Variants in CCDC7 observed in about 807,000 individuals in gnomAD.
CCDC7 encodes the protein coiled-coil domain-containing protein 7.
CCDC7 carries 183 observed loss-of-function variants against 196.9 expected under a neutral mutation model. The ratio of observed to expected loss-of-function variants is 0.93; its 90% CI spans 0.82 to 1.05. The LOEUF (loss-of-function observed/expected upper bound fraction) is 1.05, where lower values mean the gene tolerates loss of function less well. Among genes scored for constraint, CCDC7 ranks in the 50% least tolerant of loss-of-function variants. The pLI is 0.00. For missense variants in CCDC7, 1,540 were observed against 1,482.2 expected, an observed-to-expected ratio of 1.04 and a Z score of -0.64; for synonymous variants, 525 against 484.6, an observed-to-expected ratio of 1.08 and a Z score of -1.10.
intron 33 of CCDC7, among the ~76,000 whole-genome samples, chr10:32,835,774 A>G (rs1441471955): frequency 1.3e-5 from 2 of 152,050 alleles, no homozygotes; most frequent in African/African-American, 2.4e-5. Context: ...CTGTACAACA[A>G]ACCCCCATGA....
intron 9 of CCDC7, among the ~76,000 whole-genome samples, chr10:32,502,813 G>C (rs1441711115): frequency 6.6e-6 from 1 of 152,102 alleles, no homozygotes; most frequent in Non-Finnish European, 1.5e-5. Flanking sequence ...TTCTTTGTGT[G>C]TTCTTCAATT....
intron 28 of CCDC7, among the ~76,000 whole-genome samples, chr10:32,744,034 T>C (rs942625595): frequency 2.0e-5 from 3 of 151,130 alleles, no homozygotes; most frequent in African/African-American, 7.3e-5. Context: ...ATATACCTAA[T>C]GTAAATGACA....
intron 13 of CCDC7, among the ~76,000 whole-genome samples, chr10:32,558,276 T>G (rs1454042442): frequency 1.3e-5 from 2 of 152,140 alleles, no homozygotes; most frequent in Non-Finnish European, 2.9e-5. Flanking sequence ...ATTATTATTA[T>G]TTTTTTCTTT....
intron 25 of CCDC7, among the ~76,000 whole-genome samples, chr10:32,722,177 T>C (rs1352344668): frequency 6.6e-6 from 1 of 152,150 alleles, no homozygotes; most frequent in African/African-American, 2.4e-5. Context: ...GGTAAATTCA[T>C]GGTCCCCATA....
intron 28 of CCDC7, among the ~76,000 whole-genome samples, chr10:32,748,701 T>C (rs1485450411): frequency 6.6e-6 from 1 of 152,178 alleles, no homozygotes; most frequent in East Asian, 1.9e-4. Context: ...CTCAGTTTTT[T>C]CCCTTCTTAT....
chr10:32,843,667 A>G (rs1311644376), intron 33 of CCDC7, among the ~76,000 whole-genome samples: 1 of 151,984 alleles, frequency 6.6e-6, no homozygotes, highest in Non-Finnish European at 1.5e-5. Flanking sequence ...GCTTAACCTT[A>G]TCTCCCCTAA....
At chr10:32,543,411 C>CT in intron 12 of CCDC7, 26 bp downstream of exon 13, 4 of 1,285,314 alleles carry the variant, frequency 3.1e-6, no homozygotes, top group Admixed American at 3.4e-5. Context: ...ACATGTTAAT[C>CT]TTTTTTTCCT....
intron 20 of CCDC7, among the ~76,000 whole-genome samples, chr10:32,656,826 C>T (rs2069997279): frequency 1.3e-5 from 2 of 152,180 alleles, no homozygotes; most frequent in Admixed American, 1.3e-4. Flanking sequence ...AGTCTAAGTA[C>T]TTGTGAGACA....
chr10:32,599,349 A>G (rs936091322), intron 18 of CCDC7, among the ~76,000 whole-genome samples: 2 of 152,146 alleles, frequency 1.3e-5, no homozygotes, highest in African/African-American at 4.8e-5. Context: ...TCATGTATGT[A>G]TGTATGTGTT....
chr10:32,578,143 A>G (rs1298694612), intron 16 of CCDC7, among the ~76,000 whole-genome samples: 1 of 152,116 alleles, frequency 6.6e-6, no homozygotes, highest in African/African-American at 2.4e-5. Context: ...ATGGGCTTCT[A>G]TTTTAAATTA....
rs137993603 is a variant in CCDC7, at chr10:32,542,502, G to A, written c.994-798G>A. 8.7e-3 allele frequency among the ~76,000 whole-genome samples: 1,321 copies of A among 151,862 alleles called. 27 individuals are homozygous for A. Among genetic ancestry groups the A allele is most frequent in the African/African-American group, 0.029 (1,213 of 41,404 alleles). ...ACAAAAATTAGCCGGGCGTGGTGGCGTGCCCCTGTAGTCCCAGCTACTGAG... is the reference window on the plus strand; with the variant it reads ...ACAAAAATTAGCCGGGCGTGGTGGCATGCCCCTGTAGTCCCAGCTACTGAG... On this transcript the variant is annotated intron_variant, in intron 11 of 41. Coordinates refer to ENST00000639629, the Ensembl canonical transcript of CCDC7.
chr10:32,610,813 A>G lies in CCDC7; in HGVS notation c.1802-23441A>G, dbSNP rs186024212. ...TATATGTGCCACATTTTCTTTATCCAGTCTATCATTGATGGGCATTTTGGT... is the reference window on the plus strand; with the variant it reads ...TATATGTGCCACATTTTCTTTATCCGGTCTATCATTGATGGGCATTTTGGT... On this transcript the variant is annotated intron_variant, in intron 18 of 41. Coordinates refer to ENST00000639629, the Ensembl canonical transcript of CCDC7. 2.4e-3 allele frequency among the ~76,000 whole-genome samples: 360 copies of G among 152,282 alleles called. 2 individuals are homozygous for G. Among genetic ancestry groups the G allele is most frequent in the African/African-American group, 8.2e-3 (342 of 41,548 alleles).
intron 37 of CCDC7, among the ~76,000 whole-genome samples, chr10:32,847,225 C>G (rs1485891024): frequency 6.6e-6 from 1 of 152,072 alleles, no homozygotes; most frequent in Non-Finnish European, 1.5e-5. Flanking sequence ...AAGGAGAGAA[C>G]AATGACAAGC....
intron 20 of CCDC7, among the ~76,000 whole-genome samples, chr10:32,640,837 C>A (rs1393326266): frequency 1.3e-5 from 2 of 150,016 alleles, no homozygotes; most frequent in Admixed American, 1.3e-4. Flanking sequence ...AATATTGGCC[C>A]CCAGTCTCTT....
chr10:32,592,343 C>G (rs1239097612), intron 18 of CCDC7, among the ~76,000 whole-genome samples: 1 of 151,898 alleles, frequency 6.6e-6, no homozygotes, highest in Non-Finnish European at 1.5e-5. Context: ...TCATTTATCT[C>G]TGATCTTACC....
chr10:32,688,096 C>T (rs998331434), intron 22 of CCDC7, among the ~76,000 whole-genome samples: 2 of 152,098 alleles, frequency 1.3e-5, no homozygotes, highest in South Asian at 2.1e-4. Context: ...CACCCTTCCT[C>T]ATCTTCCTTG....
intron 17 of CCDC7, 43 bp from the exon 19 acceptor site, chr10:32,584,189 T>G: frequency 5.7e-6 from 6 of 1,049,280 alleles, no homozygotes; most frequent in Non-Finnish European, 8.2e-6. Flanking sequence ...TATATATATA[T>G]GTATATAATT....
chr10:32,684,559 T>C (rs928733978), intron 21 of CCDC7, among the ~76,000 whole-genome samples: 3 of 152,204 alleles, frequency 2.0e-5, no homozygotes, highest in Non-Finnish European at 4.4e-5. Context: ...GGGTCACCAC[T>C]ATTTCCTTGA....
intron 24 of CCDC7, among the ~76,000 whole-genome samples, chr10:32,699,010 C>T (rs1054042624): frequency 2.0e-5 from 3 of 152,146 alleles, no homozygotes; most frequent in African/African-American, 7.2e-5. Flanking sequence ...GATCTCTCAG[C>T]AGAAACTGTA....
Sources: allele counts gnomAD v4.1 joint callset (sites outside exome capture counted in the v4.1 genomes callset), GRCh38; gene constraint gnomAD v4.1.1; transcripts MANE v1.5; gene names NCBI Gene and HGNC (gene_info 2026-07-23, HGNC 2026-07-21).